BNC2: variants seen among roughly 807,000 people sequenced by gnomAD.
BNC2 encodes basonuclin zinc finger protein 2, also known as zinc finger protein basonuclin-2.
A neutral mutation model predicts 76.3 loss-of-function variants in BNC2; 20 were observed. The observed-to-expected ratio is 0.26, with a 90% CI of 0.18 to 0.38. BNC2 has a LOEUF of 0.38. Ranked by LOEUF, BNC2 falls within the 10% of genes least tolerant of loss-of-function variation. The probability of loss-of-function intolerance (pLI) is 1.00; values close to 1 mark genes in which losing one functional copy is unlikely to be tolerated. For synonymous variants in BNC2, 582 were observed against 514.8 expected (o/e 1.13, Z -1.77); for missense variants, 1,382 against 1,399.8 (o/e 0.99, Z 0.20).
intron 1 of BNC2, among the ~76,000 whole-genome samples, chr9:16,788,620 T>C (rs1367238081): frequency 1.3e-5 from 2 of 151,026 alleles, no homozygotes; most frequent in Non-Finnish European, 2.9e-5. Flanking sequence ...CAGTCTACAG[T>C]CCAAGGCAAG....
At chr9:16,696,951 G>T (rs924862099) in intron 3 of BNC2, among the ~76,000 whole-genome samples, 1 of 152,196 alleles carries the variant, frequency 6.6e-6, no homozygotes, top group Admixed American at 6.5e-5. Flanking sequence ...CTGCTGAAAT[G>T]ATTCTTCTCC....
chr9:16,697,566 T>C (rs1823376089), intron 3 of BNC2, among the ~76,000 whole-genome samples: 1 of 150,890 alleles, frequency 6.6e-6, no homozygotes, highest in Non-Finnish European at 1.5e-5. Flanking sequence ...TACTAAAATA[T>C]TTTAAAAGGC....
chr9:16,539,824 G>T (rs1818263026), intron 5 of BNC2, among the ~76,000 whole-genome samples: 2 of 140,632 alleles, frequency 1.4e-5, no homozygotes, highest in African/African-American at 5.1e-5. Flanking sequence ...GAAAGGAAAG[G>T]AAAGGAAGGG....
intron 3 of BNC2, among the ~76,000 whole-genome samples, chr9:16,627,145 A>G (rs1821021153): frequency 2.6e-5 from 4 of 152,192 alleles, no homozygotes. Flanking sequence ...AGAGTCCAGC[A>G]ACTGCTGGAG....
At chr9:16,562,703 T>C (rs1819051397) in intron 4 of BNC2, among the ~76,000 whole-genome samples, 1 of 152,210 alleles carries the variant, frequency 6.6e-6, no homozygotes, top group Non-Finnish European at 1.5e-5. Context: ...AGTTTGGTCA[T>C]GATACCTAGC....
At chr9:16,430,188 T>C (rs1820880897) in intron 6 of BNC2, among the ~76,000 whole-genome samples, 3 of 150,228 alleles carry the variant, frequency 2.0e-5, no homozygotes, top group Admixed American at 1.3e-4. Flanking sequence ...CCAAATAGAG[T>C]AGCAGGGAAA....
intron 3 of BNC2, among the ~76,000 whole-genome samples, chr9:16,589,497 TTTTG>T (rs71325976): frequency 3.0e-4 from 44 of 149,112 alleles, no homozygotes; most frequent in South Asian, 1.1e-3. Flanking sequence ...AAAAGCCATT[TTTTG>T]TTTGTTTGTT....
chr9:16,655,074 G>T (rs1019051340), intron 3 of BNC2, among the ~76,000 whole-genome samples: 9 of 151,534 alleles, frequency 5.9e-5, no homozygotes, highest in Admixed American at 5.3e-4. Flanking sequence ...ATTAAAAGGG[G>T]TCTCACTCAC....
chr9:16,805,407 A>G (rs937708220), intron 1 of BNC2, among the ~76,000 whole-genome samples: 2 of 151,810 alleles, frequency 1.3e-5, no homozygotes, highest in African/African-American at 4.8e-5. Flanking sequence ...GCTCACCGCA[A>G]CCTCCGCCTC....
intron 6 of BNC2, among the ~76,000 whole-genome samples, chr9:16,421,489 G>C (rs911669083): frequency 6.6e-6 from 1 of 152,160 alleles, no homozygotes; most frequent in South Asian, 2.1e-4. Context: ...CTGTCTTGAT[G>C]ATTTTCAGAT....
intron 1 of BNC2, among the ~76,000 whole-genome samples, chr9:16,845,740 A>G (rs1459260467): frequency 6.6e-6 from 1 of 152,160 alleles, no homozygotes; most frequent in Non-Finnish European, 1.5e-5. Context: ...TAAAAATAAA[A>G]TAGGAAAATT....
chr9:16,764,728 C>T (rs567081990), intron 1 of BNC2, among the ~76,000 whole-genome samples: 77 of 79,452 alleles, frequency 9.7e-4, no homozygotes, highest in African/African-American at 3.4e-3. Flanking sequence ...CATAACTTTA[C>T]TTATTTGTCT....
intron 3 of BNC2, among the ~76,000 whole-genome samples, chr9:16,668,824 C>T (rs865995851): frequency 6.6e-5 from 10 of 152,244 alleles, no homozygotes; most frequent in Admixed American, 1.3e-4. Flanking sequence ...GCTACAAATA[C>T]GGTTTTAATA....
At chr9:16,537,773 C>T (rs1312403727) in intron 5 of BNC2, among the ~76,000 whole-genome samples, 1 of 152,172 alleles carries the variant, frequency 6.6e-6, no homozygotes, top group Non-Finnish European at 1.5e-5. Context: ...TCAGACACTC[C>T]TTAGGTCTAG....
At chr9:16,771,003 C>T (rs1007847621) in intron 1 of BNC2, among the ~76,000 whole-genome samples, 2 of 152,094 alleles carry the variant, frequency 1.3e-5, no homozygotes, top group Non-Finnish European at 2.9e-5. Flanking sequence ...AAACCCCTCT[C>T]TACTAAAAAT....
chr9:16,870,503 C>A (rs62541923), intron 1 of BNC2, 143 bp downstream of exon 1: 108,215 of 824,544 alleles, frequency 0.13, 8,074 homozygotes, highest in Non-Finnish European at 0.15. Context: ...GTCCCCGGCC[C>A]GCCCTCCTCA....
At chr9:16,659,231 A>G in intron 3 of BNC2, among the ~76,000 whole-genome samples, 1 of 152,138 alleles carries the variant, frequency 6.6e-6, no homozygotes. Context: ...ATTCTATTGT[A>G]CCGCCATGTA....
At chr9:16,518,423 T>A (rs940770589) in intron 5 of BNC2, among the ~76,000 whole-genome samples, 3 of 152,030 alleles carry the variant, frequency 2.0e-5, no homozygotes, top group African/African-American at 7.2e-5. Flanking sequence ...CGAAACCATA[T>A]CTTTAAAAAT....
chr9:16,736,642 A>G (rs1824679790), intron 2 of BNC2, among the ~76,000 whole-genome samples: 1 of 151,022 alleles, frequency 6.6e-6, no homozygotes. Context: ...TGCCTGGGTA[A>G]TTTTTTTATT....
Sources: gnomAD v4.1 joint callset for allele counts (sites outside exome capture counted in the v4.1 genomes callset) on GRCh38, gnomAD v4.1.1 for gene constraint, MANE v1.5 for transcripts, NCBI Gene and HGNC (gene_info 2026-07-23, HGNC 2026-07-21) for gene names.